The following ARMC8 variants were observed in gnomAD, a reference collection of about 807,000 sequenced individuals.
The protein encoded by ARMC8 is armadillo repeat-containing protein 8.
ARMC8 carries 20 observed loss-of-function variants against 99.3 expected under a neutral mutation model. That is an observed-to-expected ratio of 0.20 (90% CI 0.14 to 0.29). The LOEUF (loss-of-function observed/expected upper bound fraction) is 0.29. Among genes scored for constraint, ARMC8 ranks in the 10% least tolerant of loss-of-function variants. The pLI, the probability that ARMC8 is intolerant of heterozygous loss-of-function variation, is 1.00. For synonymous variants in ARMC8, 263 were observed against 278.3 expected (o/e 0.95, Z 0.55); for missense variants, 569 against 809.5 (o/e 0.70, Z 3.60).
chr3:138,232,484 A>G (rs16847931), intron 6 of ARMC8, among the ~76,000 whole-genome samples: 9,755 of 152,236 alleles, frequency 0.064, 1,026 homozygotes, highest in African/African-American at 0.22. Flanking sequence ...ACTTAGAAAG[A>G]ATATGCCATA....
chr3:138,231,727 T>C (rs973579462), intron 6 of ARMC8, among the ~76,000 whole-genome samples: 4 of 151,636 alleles, frequency 2.6e-5, no homozygotes, highest in African/African-American at 9.7e-5. Flanking sequence ...GAGGATCCCT[T>C]GAGCTCAGAA....
intron 12 of ARMC8, chr3:138,261,787 AAG>A (rs2047771102): frequency 6.6e-6 from 1 of 152,258 alleles, no homozygotes; most frequent in Non-Finnish European, 1.5e-5. Context: ...TTTGAGCTTG[AAG>A]TACCCAACCT....
intron 14 of ARMC8, 76 bp downstream of exon 14, chr3:138,264,288 C>G (rs1468265355): frequency 8.8e-7 from 1 of 1,136,364 alleles, no homozygotes; most frequent in Admixed American, 1.8e-5. Flanking sequence ...ACACTACTCC[C>G]TGGTCTAGGA....
At chr3:138,243,808 A>T (rs1298206089) in intron 11 of ARMC8, among the ~76,000 whole-genome samples, 2 of 152,160 alleles carry the variant, frequency 1.3e-5, no homozygotes, top group Admixed American at 1.3e-4. Flanking sequence ...TAATAATACC[A>T]GTTAGCTCTT....
chr3:138,197,550 T>G (rs1456254637), intron 1 of ARMC8, among the ~76,000 whole-genome samples: 1 of 152,226 alleles, frequency 6.6e-6, no homozygotes, highest in African/African-American at 2.4e-5. Context: ...GATTGAGAAG[T>G]TGGCATTTAA....
rs3773767 is a variant in ARMC8 at position 138,209,461 on chromosome 3, A to G, written c.46-356A>G. ...TCCTGATGATTCTTCTGAATGAACA[A>G]AGTGATGTGCTTTGTAATTACGTTG... On this transcript the variant is annotated intron_variant, in intron 1 of 21. Transcript: ENST00000469044. 1.0e-3 allele frequency among the ~76,000 whole-genome samples: 152 copies of G among 152,316 alleles called. 1 individual carries two copies. In the East Asian group the frequency reaches 0.024, roughly 24 times the overall value.
chr3:138,195,869 A>T (rs971900805), intron 1 of ARMC8, among the ~76,000 whole-genome samples: 1 of 152,184 alleles, frequency 6.6e-6, no homozygotes, highest in East Asian at 1.9e-4. Flanking sequence ...AAAAAAAAAA[A>T]AAAAACTGTT....
intron 12 of ARMC8, chr3:138,245,818 G>GAGT: frequency 3.0e-6 from 3 of 985,882 alleles, no homozygotes; most frequent in Middle Eastern, 5.2e-4. Context: ...TCTAGATGAG[G>GAGT]AGTATAGTGG....
At chr3:138,287,962 G>T (rs2050584637) in intron 19 of ARMC8, 1 of 190,470 alleles carries the variant, frequency 5.3e-6, no homozygotes, top group Non-Finnish European at 1.1e-5. Context: ...AACCAGAAAT[G>T]GTTGTACTTT....
At chr3:138,222,055 T>G in intron 3 of ARMC8, 58 bp downstream of exon 3, 1 of 1,331,352 alleles carries the variant, frequency 7.5e-7, no homozygotes, top group Non-Finnish European at 1.1e-6. Flanking sequence ...ATGTATTTCT[T>G]ACTCTCAATT....
At chr3:138,188,291 A>G (rs2043188962) in intron 1 of ARMC8, 3 of 990,700 alleles carry the variant, frequency 3.0e-6, no homozygotes, top group Non-Finnish European at 4.2e-6. Flanking sequence ...AAGGGGAGTC[A>G]AACATTGAAG....
chr3:138,192,507 G>C (rs1380102710), intron 1 of ARMC8, among the ~76,000 whole-genome samples: 3 of 151,948 alleles, frequency 2.0e-5, no homozygotes, highest in Admixed American at 6.6e-5. Context: ...TCAATCTCCT[G>C]ACCTCATGAT....
intron 18 of ARMC8, among the ~76,000 whole-genome samples, chr3:138,276,485 GA>G (rs2049305665): frequency 6.6e-6 from 1 of 152,094 alleles, no homozygotes; most frequent in African/African-American, 2.4e-5. Flanking sequence ...GCAAGAAAAA[GA>G]AATAAGAGGT....
At chr3:138,219,872 G>A (rs2045294815) in intron 2 of ARMC8, among the ~76,000 whole-genome samples, 1 of 152,174 alleles carries the variant, frequency 6.6e-6, no homozygotes. Context: ...GTTTTTGTTT[G>A]CTCTTGTCTG....
intron 12 of ARMC8, chr3:138,263,522 C>T (rs1311042627): frequency 6.8e-6 from 4 of 584,320 alleles, no homozygotes; most frequent in South Asian, 4.0e-5. Flanking sequence ...TAACCTGCCC[C>T]TTACGCCTGT....
At chr3:138,267,761 A>G (rs2048407186) in intron 15 of ARMC8, among the ~76,000 whole-genome samples, 2 of 152,164 alleles carry the variant, frequency 1.3e-5, no homozygotes, top group Admixed American at 6.5e-5. Flanking sequence ...AGGAAAAACT[A>G]AAATATACCT....
At chr3:138,187,635 A>G (rs2043135850) in intron 1 of ARMC8, 36 bp downstream of exon 1, 5 of 1,534,394 alleles carry the variant, frequency 3.3e-6, no homozygotes, top group Middle Eastern at 3.3e-4. Context: ...CCCGCCCTCC[A>G]GGAAGCCTCA....
chr3:138,208,541 CAG>C (rs2044518473), intron 1 of ARMC8, among the ~76,000 whole-genome samples: 1 of 151,668 alleles, frequency 6.6e-6, no homozygotes, highest in Non-Finnish European at 1.5e-5. Context: ...TGTAGTTCTC[CAG>C]AGTTATTTTT....
chr3:138,223,136 A>C (rs1396912191), intron 3 of ARMC8, among the ~76,000 whole-genome samples: 2 of 152,206 alleles, frequency 1.3e-5, no homozygotes, highest in African/African-American at 4.8e-5. Context: ...TACAGAGACT[A>C]TCTGTGGACA....
Sources: gnomAD v4.1 joint callset for allele counts (sites outside exome capture counted in the v4.1 genomes callset) on GRCh38, gnomAD v4.1.1 for gene constraint, MANE v1.5 for transcripts, NCBI Gene and HGNC (gene_info 2026-07-23, HGNC 2026-07-21) for gene names.